TOGARAM1: variants seen among roughly 807,000 people sequenced by gnomAD.
TOGARAM1 encodes the protein TOG array regulator of axonemal microtubules 1.
In TOGARAM1, 100 loss-of-function variants were observed where a neutral mutation model predicts 166.6. That is an observed-to-expected ratio of 0.60 (90% CI 0.51 to 0.71). The LOEUF (loss-of-function observed/expected upper bound fraction) is 0.71. Among genes scored for constraint, TOGARAM1 ranks in the 30% least tolerant of loss-of-function variants. TOGARAM1 has a pLI of 0.00. For synonymous variants in TOGARAM1, 758 were observed against 763.8 expected (o/e 0.99, Z 0.13); for missense variants, 2,029 against 2,102.7 (o/e 0.96, Z 0.69).
intron 6 of TOGARAM1, among the ~76,000 whole-genome samples, chr14:45,010,437 T>C (rs1879721620): frequency 6.6e-6 from 1 of 152,192 alleles, no homozygotes; most frequent in Non-Finnish European, 1.5e-5. Context: ...TATTTTTAGC[T>C]TTTAGAGCTA....
chr14:45,062,503 T>G (rs1334154043), intron 16 of TOGARAM1, among the ~76,000 whole-genome samples: 1 of 152,164 alleles, frequency 6.6e-6, no homozygotes, highest in Non-Finnish European at 1.5e-5. Context: ...ACCTACTATA[T>G]AATTCATCTA....
rs111614830 is a variant in TOGARAM1 at position 45,000,119 on chromosome 14, C to T, written c.2338+622C>T. ...TTTTGAGCAATTCTCCTGTCTCAGCCTCCTGACTAGCTGGGACTACAGGTA... is the reference window on the plus strand; with the variant it reads ...TTTTGAGCAATTCTCCTGTCTCAGCTTCCTGACTAGCTGGGACTACAGGTA... On this transcript the variant is annotated intron_variant, in intron 3 of 19. Transcript: ENST00000361462. Among the ~76,000 whole-genome samples, 796 of 152,214 alleles carry T rather than the reference C, an allele frequency of 5.2e-3. 9 individuals are homozygous for T. The highest frequency in any genetic ancestry group is 0.017 in the African/African-American group (697 of 41,530).
At chr14:45,070,444 G>C (rs1477448194) in intron 18 of TOGARAM1, among the ~76,000 whole-genome samples, 1 of 152,070 alleles carries the variant, frequency 6.6e-6, no homozygotes, top group African/African-American at 2.4e-5. Flanking sequence ...CTGCAGCTGT[G>C]GTTGCTCACC....
intron 1 of TOGARAM1, chr14:44,995,423 G>A: frequency 2.2e-6 from 1 of 459,242 alleles, no homozygotes; most frequent in African/African-American, 2.0e-5. Context: ...CATAGTTTGA[G>A]GGGTTACGCT....
At chr14:45,049,044 G>C in intron 14 of TOGARAM1, among the ~76,000 whole-genome samples, 1 of 87,360 alleles carries the variant, frequency 1.1e-5, no homozygotes, top group South Asian at 4.4e-4. Flanking sequence ...GCCCAGGACA[G>C]AGACAAACTT....
chr14:45,028,257 G>C lies in TOGARAM1; in HGVS notation c.3586G>C (p.Asp1196His). ...KEEKELFHNK[D>H]CEKKEKNSWE... Reference sequence around the variant, plus strand: ...AGAGAAAGAACTGTTTCACAATAAAGATTGTGAAAAGAAGGAAAAAAATTC... The same window carrying C: ...AGAGAAAGAACTGTTTCACAATAAACATTGTGAAAAGAAGGAAAAAAATTC... Residue 1196 changes from aspartate (D) to histidine (H), a missense_variant, in exon 10 of 20, where the codon GAT becomes CAT. Asp to His is a moderately conservative substitution (Grantham distance 81). Around this residue, in one of 2 missense-constraint regions of TOGARAM1, gnomAD observed 1,453 missense variants for 1,432.2 expected, o/e 1.01. Coordinates refer to ENST00000361462, the MANE Select transcript of TOGARAM1 (RefSeq NM_001308120.2). 6.2e-7 allele frequency: 1 copy of C among 1,603,570 alleles called. No individual in the cohort carries two copies. Among genetic ancestry groups the C allele is most frequent in the East Asian group, 2.2e-5 (1 of 44,586 alleles).
chr14:44,996,264 A>G (rs1256816902), intron 2 of TOGARAM1: 2 of 154,200 alleles, frequency 1.3e-5, no homozygotes, highest in African/African-American at 2.4e-5. Flanking sequence ...GATAAATGCT[A>G]TGAAGGAAAA....
chr14:45,038,439 G>A (rs770535137), intron 11 of TOGARAM1, among the ~76,000 whole-genome samples: 5 of 152,196 alleles, frequency 3.3e-5, no homozygotes, highest in East Asian at 1.9e-4. Context: ...CATGGGGTCC[G>A]GCCACTGCAC....
chr14:45,057,831 A>G (rs551379964), intron 16 of TOGARAM1, among the ~76,000 whole-genome samples: 2 of 152,228 alleles, frequency 1.3e-5, no homozygotes, highest in African/African-American at 4.8e-5. Context: ...GTTTTTAAAA[A>G]TTTGTTGGGA....
rs542877374 is a variant in TOGARAM1, at chr14:45,040,847, T to TG, written c.3813-2837dup. Among the ~76,000 whole-genome samples the TG allele has an allele frequency of 2.6e-3, 382 of 149,378 alleles. 1 individual carries two copies. The highest frequency in any genetic ancestry group is 4.0e-3 in the Non-Finnish European group (271 of 67,248). On this transcript the variant is annotated intron_variant, in intron 11 of 19. Coordinates refer to ENST00000361462, the MANE Select transcript of TOGARAM1 (RefSeq NM_001308120.2). ...TGAGGCCAGGAGTTCAAGACCAGCA[T>TG]GGCTAACATGGTGAAACCCCATCTC...
chr14:45,020,324 T>C (rs1007176043), intron 7 of TOGARAM1, among the ~76,000 whole-genome samples: 4 of 152,230 alleles, frequency 2.6e-5, no homozygotes, highest in Non-Finnish European at 2.9e-5. Flanking sequence ...TCCCCCTCTT[T>C]CTGCAGTTAG....
At chr14:44,982,956 A>G (rs1322780373) in intron 1 of TOGARAM1, among the ~76,000 whole-genome samples, 1 of 152,194 alleles carries the variant, frequency 6.6e-6, no homozygotes, top group African/African-American at 2.4e-5. Context: ...TAAATAAGAA[A>G]ACATTTAAGG....
intron 1 of TOGARAM1, among the ~76,000 whole-genome samples, chr14:44,989,882 G>T (rs1233422090): frequency 6.6e-6 from 1 of 152,176 alleles, no homozygotes; most frequent in Non-Finnish European, 1.5e-5. Context: ...GGAGGCCTCA[G>T]GAAACTTACA....
At chr14:45,013,282 T>G (rs2138865112) in intron 7 of TOGARAM1, among the ~76,000 whole-genome samples, 1 of 152,352 alleles carries the variant, frequency 6.6e-6, no homozygotes. Context: ...TGTTATACCA[T>G]TACATCTTGC....
intron 1 of TOGARAM1, among the ~76,000 whole-genome samples, chr14:44,992,466 T>C (rs1351677260): frequency 6.6e-6 from 1 of 152,072 alleles, no homozygotes; most frequent in Non-Finnish European, 1.5e-5. Context: ...TCTGAGAGAA[T>C]TAGATATTAA....
chr14:45,069,656 G>T (rs889714441), intron 18 of TOGARAM1, among the ~76,000 whole-genome samples: 1 of 152,120 alleles, frequency 6.6e-6, no homozygotes, highest in Non-Finnish European at 1.5e-5. Flanking sequence ...GCATATGCAA[G>T]TTAAGGCCAT....
chr14:44,973,788 T>G (rs961194), intron 1 of TOGARAM1, among the ~76,000 whole-genome samples: 1 of 151,646 alleles, frequency 6.6e-6, no homozygotes, highest in Non-Finnish European at 1.5e-5. Context: ...GACTTCTAAA[T>G]TGATGGGTTT....
At chr14:45,044,595 C>G in intron 12 of TOGARAM1, 40 bp from the exon 13 acceptor site, 1 of 1,379,580 alleles carries the variant, frequency 7.2e-7, no homozygotes. Flanking sequence ...GATTTTCTTG[C>G]AGAATATCAG....
chr14:45,060,817 T>C (rs1882871019), intron 16 of TOGARAM1, among the ~76,000 whole-genome samples: 1 of 152,234 alleles, frequency 6.6e-6, no homozygotes, highest in Non-Finnish European at 1.5e-5. Context: ...CTTCTCACTG[T>C]ATTACATCAC....
Sources: allele counts gnomAD v4.1 joint callset (sites outside exome capture counted in the v4.1 genomes callset), GRCh38; gene constraint gnomAD v4.1.1; regional missense constraint gnomAD v4.1.1; transcripts MANE v1.5; gene names NCBI Gene and HGNC (gene_info 2026-07-23, HGNC 2026-07-21).